SLC2A13: variants seen among roughly 807,000 people sequenced by gnomAD.
SLC2A13 encodes proton myo-inositol cotransporter.
In SLC2A13, 32 loss-of-function variants were observed where a neutral mutation model predicts 64.4. That is an observed-to-expected ratio of 0.50 (90% CI 0.37 to 0.67). SLC2A13 has a LOEUF of 0.67. Ranked by LOEUF, SLC2A13 falls within the 30% of genes least tolerant of loss-of-function variation. SLC2A13 has a pLI of 0.00. For synonymous variants in SLC2A13, 338 were observed against 327.1 expected, an observed-to-expected ratio of 1.03 and a Z score of -0.36; for missense variants, 743 against 829.2, an observed-to-expected ratio of 0.90 and a Z score of 1.28.
intron 4 of SLC2A13, among the ~76,000 whole-genome samples, chr12:39,884,899 AGGATCATACATGG>A: frequency 6.6e-6 from 1 of 152,350 alleles, no homozygotes; most frequent in South Asian, 2.1e-4. Flanking sequence ...AAATCAGCCA[AGGATCATACATGG>A]GGAGAACTGG....
intron 1 of SLC2A13, among the ~76,000 whole-genome samples, chr12:40,092,105 A>G (rs1208056745): frequency 6.6e-6 from 1 of 152,170 alleles, no homozygotes; most frequent in East Asian, 1.9e-4. Context: ...TGTCATAGAG[A>G]GAGGTATAAT....
rs1947858691 is a variant in SLC2A13, at chr12:40,028,506, G to A, written c.720C>T (p.Tyr240=). 1.9e-6 allele frequency: 3 copies of A among 1,612,084 alleles called. No homozygotes were observed. The highest frequency in any genetic ancestry group is 2.5e-6 in the Non-Finnish European group (3 of 1,179,390). The part of the protein sequence containing the change: ...FSYLQKDGWR[Y]MLGLAAVPAV... Reference sequence around the variant, plus strand: ...CCGGAACTGCTGCAAGTCCCAACATGTACCTGCAAAGAAAAAAAATCCACA... The same window carrying A: ...CCGGAACTGCTGCAAGTCCCAACATATACCTGCAAAGAAAAAAAATCCACA... Residue 240 remains tyrosine, a synonymous_variant, in exon 3 of 10, where the codon TAC becomes TAT. Transcript: ENST00000280871.
At chr12:40,049,882 A>T (rs772696631) in intron 1 of SLC2A13, among the ~76,000 whole-genome samples, 2 of 152,152 alleles carry the variant, frequency 1.3e-5, no homozygotes, top group Non-Finnish European at 2.9e-5. Context: ...AAGTCTCAGA[A>T]CTAGATACTA....
chr12:40,075,416 G>C (rs1308483768), intron 1 of SLC2A13, among the ~76,000 whole-genome samples: 1 of 152,178 alleles, frequency 6.6e-6, no homozygotes, highest in African/African-American at 2.4e-5. Flanking sequence ...GGGGGTAGTG[G>C]TTTGTCCTAT....
chr12:39,818,663 T>G (rs1159399149), intron 7 of SLC2A13, among the ~76,000 whole-genome samples: 2 of 152,120 alleles, frequency 1.3e-5, no homozygotes, highest in Non-Finnish European at 1.5e-5. Flanking sequence ...GTCCCCCAAG[T>G]TTTTATAAAT....
intron 3 of SLC2A13, among the ~76,000 whole-genome samples, chr12:40,000,603 G>C (rs1470842056): frequency 1.3e-5 from 2 of 152,154 alleles, no homozygotes; most frequent in Non-Finnish European, 2.9e-5. Context: ...CATGGCATTG[G>C]CAGGTTTGGT....
At chr12:40,058,042 C>CAGATAGATAGATAGATAGATAGAT (rs10534370) in intron 1 of SLC2A13, among the ~76,000 whole-genome samples, 2 of 145,148 alleles carry the variant, frequency 1.4e-5, no homozygotes, top group African/African-American at 5.1e-5. Flanking sequence ...AATTTCTCTC[C>CAGATAGATAGATAGATAGATAGAT]AGATAGATAG....
At chr12:39,889,866 T>C (rs1261064762) in intron 4 of SLC2A13, among the ~76,000 whole-genome samples, 1 of 152,166 alleles carries the variant, frequency 6.6e-6, no homozygotes, top group Non-Finnish European at 1.5e-5. Flanking sequence ...TCATTTGTTG[T>C]TTTTATTATC....
At chr12:40,002,765 G>A (rs1947341667) in intron 3 of SLC2A13, among the ~76,000 whole-genome samples, 1 of 152,078 alleles carries the variant, frequency 6.6e-6, no homozygotes, top group South Asian at 2.1e-4. Flanking sequence ...TATGGATGAT[G>A]GCATAGGCTA....
intron 3 of SLC2A13, among the ~76,000 whole-genome samples, chr12:39,969,306 T>C (rs2136127108): frequency 6.6e-6 from 1 of 152,342 alleles, no homozygotes; most frequent in Non-Finnish European, 1.5e-5. Flanking sequence ...ATCCTTTGGG[T>C]ATATACCCAG....
At chr12:40,049,784 G>A (rs1391352492) in intron 1 of SLC2A13, among the ~76,000 whole-genome samples, 1 of 152,016 alleles carries the variant, frequency 6.6e-6, no homozygotes, top group Non-Finnish European at 1.5e-5. Context: ...ATTTATTTAA[G>A]TAATACATAT....
At chr12:39,846,761 T>C (rs1031567041) in intron 6 of SLC2A13, among the ~76,000 whole-genome samples, 18 of 152,266 alleles carry the variant, frequency 1.2e-4, no homozygotes, top group African/African-American at 4.3e-4. Flanking sequence ...CTCACTTAAT[T>C]TGTTTAAGCC....
chr12:39,783,388 C>T (rs574792718), intron 7 of SLC2A13, among the ~76,000 whole-genome samples: 53 of 152,316 alleles, frequency 3.5e-4, no homozygotes, highest in Non-Finnish European at 6.2e-4. Flanking sequence ...ATATACCCAG[C>T]AATGGGATGG....
chr12:40,095,336 A>G (rs1938903897), intron 1 of SLC2A13, among the ~76,000 whole-genome samples: 1 of 152,214 alleles, frequency 6.6e-6, no homozygotes, highest in Non-Finnish European at 1.5e-5. Flanking sequence ...AGGGAAGAGT[A>G]AAAAAACAAA....
intron 2 of SLC2A13, among the ~76,000 whole-genome samples, chr12:40,032,069 C>T (rs1465550258): frequency 6.6e-6 from 1 of 152,128 alleles, no homozygotes; most frequent in African/African-American, 2.4e-5. Flanking sequence ...GCTGGTAAAA[C>T]CCACCAGTTT....
chr12:39,933,137 G>C (rs903917098), intron 4 of SLC2A13, among the ~76,000 whole-genome samples: 2 of 152,220 alleles, frequency 1.3e-5, no homozygotes, highest in African/African-American at 4.8e-5. Flanking sequence ...GCTGAGGCAG[G>C]AGAATCAGTT....
At chr12:39,969,856 A>G (rs1326742822) in intron 3 of SLC2A13, among the ~76,000 whole-genome samples, 3 of 152,184 alleles carry the variant, frequency 2.0e-5, no homozygotes, top group Admixed American at 6.5e-5. Flanking sequence ...TTGGTGTTTT[A>G]GACATGAAGT....
intron 4 of SLC2A13, among the ~76,000 whole-genome samples, chr12:39,923,493 T>G (rs1030271961): frequency 6.6e-6 from 1 of 151,908 alleles, no homozygotes; most frequent in Non-Finnish European, 1.5e-5. Context: ...CACCAAAGGC[T>G]AGGTAAAGGG....
intron 7 of SLC2A13, among the ~76,000 whole-genome samples, chr12:39,826,586 A>G (rs766112641): frequency 6.0e-5 from 9 of 151,252 alleles, no homozygotes; most frequent in Non-Finnish European, 1.2e-4. Context: ...ACTAATTGTA[A>G]TCTCAATTTC....
Sources: gnomAD v4.1 joint callset for allele counts (sites outside exome capture counted in the v4.1 genomes callset) on GRCh38, gnomAD v4.1.1 for gene constraint, MANE v1.5 for transcripts, NCBI Gene and HGNC (gene_info 2026-07-23, HGNC 2026-07-21) for gene names.